Variants in ADA2 observed in about 807,000 individuals in gnomAD.
ADA2 encodes adenosine deaminase CECR1.
A neutral mutation model predicts 44.2 loss-of-function variants in ADA2; 29 were observed. That is an observed-to-expected ratio of 0.66 (90% CI 0.49 to 0.89). The LOEUF (loss-of-function observed/expected upper bound fraction) is 0.89, where lower values mean the gene tolerates loss of function less well. Ranked by LOEUF, ADA2 falls within the 40% of genes least tolerant of loss-of-function variation. The pLI is 0.00. For missense variants in ADA2, 637 were observed against 644.8 expected (o/e 0.99, Z 0.13); for synonymous variants, 215 against 234.9 (o/e 0.92, Z 0.77).
At chr22:17,214,256 C>T in intron 1 of ADA2, 1 of 345,284 alleles carries the variant, frequency 2.9e-6, no homozygotes, top group Non-Finnish European at 5.6e-6. Context: ...CATGGCTTTA[C>T]ACACACCCTC....
Position 17,179,843 on chromosome 22 carries a change from C to T in ADA2, c.*1640G>A, listed in dbSNP as rs2061949457. 2 of 151,762 alleles carry T rather than the reference C, an allele frequency of 1.3e-5. No homozygotes were observed. Among genetic ancestry groups the T allele is most frequent in the Admixed American group, 1.3e-4 (2 of 15,242 alleles). 9.4% of individuals were successfully genotyped at this position (151,762 alleles called of 1,614,324 possible). On this transcript the variant is annotated 3_prime_UTR_variant, in exon 10 of 10. Transcript: ENST00000399837. ...TGATTTAATTTGATCTTTTAAAAGT[C>T]ATTCTAGGCCAGGCCGGGTGGCTCA...
At chr22:17,199,350 C>T (rs539323100) in intron 4 of ADA2, among the ~76,000 whole-genome samples, 7 of 152,244 alleles carry the variant, frequency 4.6e-5, no homozygotes, top group Admixed American at 1.3e-4. Context: ...TCCGATCCAA[C>T]CGCTCAGCAA....
Position 17,181,374 on chromosome 22 carries a change from A to T in ADA2, c.*109T>A, listed in dbSNP as rs1212504337. On this transcript the variant is annotated 3_prime_UTR_variant, in exon 10 of 10. Coordinates refer to ENST00000399837, the MANE Select transcript of ADA2 (RefSeq NM_001282225.2). ...CAAGTGCTTCTCACAGGGTCGCTCC[A>T]TACAGAGGCCATTGATTTCATGGGC... 3 of 791,284 alleles carry T rather than the reference A, an allele frequency of 3.8e-6. No individual in the cohort carries two copies. In the East Asian group the frequency reaches 7.3e-5, roughly 19 times the overall value. The allele number at this position is 791,284 out of a possible 1,614,324, so 49.0% of individuals were successfully genotyped here.
rs1176691463 is a variant in ADA2, at chr22:17,178,790, G to A, written c.*2693C>T. 1 of 150,134 alleles carries A rather than the reference G, an allele frequency of 6.7e-6. No homozygotes were observed. Among genetic ancestry groups the A allele is most frequent in the Non-Finnish European group, 1.5e-5 (1 of 67,538 alleles). The allele number at this position is 150,134 out of a possible 1,614,324, so 9.3% of individuals were successfully genotyped here. A position where few individuals can be genotyped will look rare whatever the true frequency, so the allele number is the denominator to read the frequency against. Reference sequence around the variant, plus strand: ...GAAGAACTGGACACAAAGCACAAAGGCAAGACTATTGCTGGTTCATTTTGC... The same window carrying A: ...GAAGAACTGGACACAAAGCACAAAGACAAGACTATTGCTGGTTCATTTTGC... On this transcript the variant is annotated 3_prime_UTR_variant, in exon 10 of 10. Transcript: ENST00000399837.
intron 3 of ADA2, among the ~76,000 whole-genome samples, chr22:17,204,922 G>A (rs1312239623): frequency 6.6e-6 from 1 of 151,712 alleles, no homozygotes; most frequent in African/African-American, 2.4e-5. Flanking sequence ...AGCCCCCTGG[G>A]GTAGCTGAGA....
intron 5 of ADA2, among the ~76,000 whole-genome samples, chr22:17,190,288 G>A (rs2062098944): frequency 6.6e-6 from 1 of 152,128 alleles, no homozygotes; most frequent in Non-Finnish European, 1.5e-5. Context: ...AAGTAGATGG[G>A]GTCAGAGGAC....
At chr22:17,188,749 GGT>G in intron 6 of ADA2, 1 of 179,232 alleles carries the variant, frequency 5.6e-6, no homozygotes, top group South Asian at 1.1e-4. Context: ...TGTGGTAGCG[GGT>G]GCCTGTAGTC....
intron 5 of ADA2, among the ~76,000 whole-genome samples, chr22:17,190,600 G>A (rs772556913): frequency 4.6e-5 from 7 of 152,156 alleles, no homozygotes; most frequent in African/African-American, 7.2e-5. Flanking sequence ...GCAAGCCCAC[G>A]ACAGGCTCAA....
intron 9 of ADA2, 85 bp from the exon 10 acceptor site, chr22:17,181,661 G>T: frequency 1.8e-6 from 2 of 1,116,668 alleles, no homozygotes; most frequent in Non-Finnish European, 2.7e-6. Flanking sequence ...TTAGAGCCTT[G>T]CAGAGCACTC....
chr22:17,212,870 C>T (rs1458216507), intron 1 of ADA2, among the ~76,000 whole-genome samples: 1 of 151,262 alleles, frequency 6.6e-6, no homozygotes, highest in African/African-American at 2.4e-5. Flanking sequence ...CTCCAAAGCT[C>T]GCTGCAGCGG....
Position 17,179,161 on chromosome 22 carries a change from G to C in ADA2, c.*2322C>G, listed in dbSNP as rs9605231. 17,137 of 152,432 alleles carry C rather than the reference G, an allele frequency of 0.11. 1,047 individuals are homozygous for C. Among genetic ancestry groups the C allele is most frequent in the South Asian group, 0.15 (718 of 4,830 alleles). The allele number at this position is 152,432 out of a possible 1,614,324, so 9.4% of individuals were successfully genotyped here. A position where few individuals can be genotyped will look rare whatever the true frequency, so the allele number is the denominator to read the frequency against. On this transcript the variant is annotated 3_prime_UTR_variant, in exon 10 of 10. Transcript: ENST00000399837. ...TCCCTGCCATCCTTGAGTTGGGTGA[G>C]GACAGAGGTGGCTTCTTGCATCCTT...
At chr22:17,188,954 C>T (rs887929396) in intron 6 of ADA2, among the ~76,000 whole-genome samples, 2 of 148,416 alleles carry the variant, frequency 1.3e-5, no homozygotes, top group African/African-American at 2.5e-5. Context: ...GGTGACCCTC[C>T]CACCTTGGCC....
intron 4 of ADA2, chr22:17,199,436 C>CCTCTTCCCCTCCCACCCCTCCTATATA: frequency 1.0e-6 from 1 of 1,000,784 alleles, no homozygotes; most frequent in Non-Finnish European, 1.6e-6. Flanking sequence ...CCTCCTCTAT[C>CCTCTTCCCCTCCCACCCCTCCTATATA]CTCTTCCCCT....
At chr22:17,199,864 G>T in intron 4 of ADA2, 2 of 804,760 alleles carry the variant, frequency 2.5e-6, no homozygotes, top group Non-Finnish European at 3.5e-6. Flanking sequence ...GTATTTGCCT[G>T]AGCTCAGGAG....
intron 3 of ADA2, among the ~76,000 whole-genome samples, chr22:17,204,592 A>G (rs2062331648): frequency 6.6e-6 from 1 of 151,314 alleles, no homozygotes; most frequent in Admixed American, 6.6e-5. Context: ...CCTGGGCGAC[A>G]CAGCAAGACT....
rs201701549 is a variant in ADA2 at position 17,207,167 on chromosome 22, G to A, written c.446C>T (p.Ala149Val). Residue 149 changes from alanine to valine, a missense_variant, in exon 3 of 10, where the codon GCT becomes GTT. Ala to Val is a moderately conservative substitution (Grantham distance 64). Transcript: ENST00000399837. Reference sequence around the variant, plus strand: ...TTCTGATGGACGGGGAGTTGGGTGAGCAAATCTGAACTGCATGATCCCCCT... The same window carrying A: ...TTCTGATGGACGGGGAGTTGGGTGAACAAATCTGAACTGCATGATCCCCCT... ...TPRGIMQFRF[A>V]HPTPRPSEKC... 3 of 1,614,214 alleles carry A rather than the reference G, an allele frequency of 1.9e-6. No individual in the cohort carries two copies. Among genetic ancestry groups the A allele is most frequent in the East Asian group, 4.5e-5 (2 of 44,884 alleles).
At chr22:17,191,865 C>G in intron 4 of ADA2, 55 bp from the exon 5 acceptor site, 1 of 1,558,440 alleles carries the variant, frequency 6.4e-7, no homozygotes, top group Admixed American at 1.8e-5. Flanking sequence ...GACGCCACCC[C>G]CTTCCCAGCC....
intron 2 of ADA2, among the ~76,000 whole-genome samples, chr22:17,208,818 TAATAAAAAAAAAAATTAACA>T (rs1321376928): frequency 2.0e-5 from 3 of 150,394 alleles, no homozygotes; most frequent in East Asian, 2.0e-4. Flanking sequence ...AAATTTTTTT[TAATAAAAAAAAAAATTAACA>T]TTTTTTGGGG....
At chr22:17,206,382 G>C (rs1009854920) in intron 3 of ADA2, among the ~76,000 whole-genome samples, 2 of 152,094 alleles carry the variant, frequency 1.3e-5, no homozygotes, top group African/African-American at 4.8e-5. Flanking sequence ...ACTTGAACCC[G>C]GGAGGCAGAG....
Sources: allele counts gnomAD v4.1 joint callset (sites outside exome capture counted in the v4.1 genomes callset), GRCh38; gene constraint gnomAD v4.1.1; transcripts MANE v1.5; gene names NCBI Gene and HGNC (gene_info 2026-07-23, HGNC 2026-07-21).